LRRC37A: variants seen among roughly 807,000 people sequenced by gnomAD.
LRRC37A encodes leucine-rich repeat-containing protein 37A.
In LRRC37A, 3 loss-of-function variants were observed where a neutral mutation model predicts 35.4. The observed-to-expected ratio is 0.08, with a 90% CI of 0.04 to 0.22. The LOEUF (loss-of-function observed/expected upper bound fraction) is 0.22, where lower values mean the gene tolerates loss of function less well. LRRC37A is among the 10% of genes least tolerant of loss of function. LRRC37A has a pLI of 1.00. For synonymous variants in LRRC37A, 23 were observed against 215.0 expected (o/e 0.11, Z 7.81); for missense variants, 67 against 565.3 (o/e 0.12, Z 8.94).
the LRRC37A span, chr17:46,267,537 A>G: frequency 6.2e-7 from 1 of 1,612,984 alleles, no homozygotes; most frequent in Non-Finnish European, 8.5e-7. Flanking sequence ...ACTGAGCTGA[A>G]TGACGCTGCA....
At chr17:46,267,241 C>G in the LRRC37A span, 1 of 792,730 alleles carries the variant, frequency 1.3e-6, no homozygotes, top group Non-Finnish European at 2.0e-6. Context: ...CCGACCCATG[C>G]GGGCCGTTTC....
At chr17:46,253,215 A>G in the LRRC37A span, among the ~76,000 whole-genome samples, 3 of 133,496 alleles carry the variant, frequency 2.2e-5, no homozygotes, top group East Asian at 2.0e-4. Context: ...GGCGCTCCCC[A>G]CATCTCAGAC....
the LRRC37A span, among the ~76,000 whole-genome samples, chr17:46,268,087 C>G: frequency 6.6e-6 from 1 of 152,018 alleles, no homozygotes; most frequent in Non-Finnish European, 1.5e-5. Context: ...TCTTTCTAGG[C>G]ATGTGCTCTG....
In LRRC37A at chr17:46,330,898, G is replaced by A. The variant is rs78117635; in HGVS notation, c.3621G>A (p.Thr1207=). 1,438 of 725,010 alleles carry A rather than the reference G, an allele frequency of 2.0e-3. 456 individuals carry two copies. The African/African-American group carries it at 0.023, about 11-fold the overall frequency. The allele number at this position is 725,010 out of a possible 1,614,324, so 44.9% of individuals were successfully genotyped here. Residue 1207 remains threonine, a synonymous_variant, in exon 9 of 14, where the codon ACG becomes ACA. Transcript: ENST00000320254. ...ACGCTGCCGAAGAAAAAAGGCTCACGAGTCCAGCCCCAAGGGAGGTGGAAC... is the reference window on the plus strand; with the variant it reads ...ACGCTGCCGAAGAAAAAAGGCTCACAAGTCCAGCCCCAAGGGAGGTGGAAC...
chr17:46,288,285 A>C (rs1211957164), upstream of LRRC37A, among the ~76,000 whole-genome samples: 1 of 142,672 alleles, frequency 7.0e-6, no homozygotes, highest in Non-Finnish European at 1.5e-5. Flanking sequence ...GGGACTACAG[A>C]TGTGCACCAC....
At chr17:46,271,567 C>T in the LRRC37A span, among the ~76,000 whole-genome samples, 3 of 152,064 alleles carry the variant, frequency 2.0e-5, no homozygotes, top group South Asian at 6.2e-4. Context: ...ATCTGAAAGT[C>T]CACCAGGTTG....
At chr17:46,285,671 T>C in the LRRC37A span, among the ~76,000 whole-genome samples, 1 of 152,142 alleles carries the variant, frequency 6.6e-6, no homozygotes, top group African/African-American at 2.4e-5. Context: ...ATTATCTGAG[T>C]GTTAGATAAG....
chr17:46,253,496 C>T, the LRRC37A span, among the ~76,000 whole-genome samples: 2 of 152,192 alleles, frequency 1.3e-5, no homozygotes, highest in Admixed American at 1.3e-4. Flanking sequence ...TCTGCAATCC[C>T]GGCACCTCGG....
the LRRC37A span, chr17:46,259,863 C>T: frequency 3.8e-6 from 6 of 1,562,724 alleles, no homozygotes; most frequent in East Asian, 9.7e-5. Context: ...GGGACCCTAA[C>T]TTGTCCCTTG....
chr17:46,265,386 C>T, the LRRC37A span, among the ~76,000 whole-genome samples: 10 of 111,508 alleles, frequency 9.0e-5, no homozygotes, highest in South Asian at 2.4e-4. Context: ...CTTCTTTTCT[C>T]TTCCTTCTCC....
chr17:46,275,368 T>C, the LRRC37A span: 2 of 1,001,180 alleles, frequency 2.0e-6, no homozygotes, highest in South Asian at 2.6e-5. Context: ...TATGTTAGGT[T>C]AACATGCTGA....
At chr17:46,285,520 T>C in the LRRC37A span, among the ~76,000 whole-genome samples, 13,523 of 143,334 alleles carry the variant, frequency 0.094, no homozygotes, top group Non-Finnish European at 0.15. Flanking sequence ...GGATTACAGG[T>C]GTGAGCCCCC....
the LRRC37A span, among the ~76,000 whole-genome samples, chr17:46,249,795 C>T: frequency 6.6e-6 from 1 of 152,204 alleles, no homozygotes; most frequent in African/African-American, 2.4e-5. Context: ...GCTGTCACTG[C>T]AGTCAGCGCC....
At chr17:46,281,680 G>C in the LRRC37A span, among the ~76,000 whole-genome samples, 1 of 152,284 alleles carries the variant, frequency 6.6e-6, no homozygotes, top group East Asian at 1.9e-4. Context: ...GAGTCTCACT[G>C]TCACCCAGGC....
chr17:46,289,184 G>A (rs2950666), upstream of LRRC37A, among the ~76,000 whole-genome samples: 19,444 of 151,288 alleles, frequency 0.13, 1 homozygote, highest in Middle Eastern at 0.19. Flanking sequence ...GACCAAGAGG[G>A]TTTCTTTCTT....
the LRRC37A span, among the ~76,000 whole-genome samples, chr17:46,255,617 C>T: frequency 6.6e-6 from 1 of 151,816 alleles, no homozygotes; most frequent in African/African-American, 2.4e-5. Context: ...CTGCTGACTT[C>T]AGCCTCCCAA....
At chr17:46,317,126 G>C (rs1296407755) in intron 5 of LRRC37A, among the ~76,000 whole-genome samples, 3 of 88,518 alleles carry the variant, frequency 3.4e-5, no homozygotes, top group African/African-American at 9.0e-5. Context: ...GAGCTGTTGG[G>C]TACACCTCCC....
the LRRC37A span, among the ~76,000 whole-genome samples, chr17:46,254,655 T>C: frequency 6.7e-6 from 1 of 149,766 alleles, no homozygotes; most frequent in African/African-American, 2.5e-5. Flanking sequence ...GATTCTCCTG[T>C]CTCAGCCTCC....
chr17:46,273,641 TTTGC>T, the LRRC37A span, among the ~76,000 whole-genome samples: 24 of 152,154 alleles, frequency 1.6e-4, no homozygotes, highest in Admixed American at 9.2e-4. Flanking sequence ...TAGTAGAATT[TTTGC>T]AAAGCTGCAT....
Sources: gnomAD v4.1 joint callset for allele counts (sites outside exome capture counted in the v4.1 genomes callset) on GRCh38, gnomAD v4.1.1 for gene constraint, MANE v1.5 for transcripts, NCBI Gene and HGNC (gene_info 2026-07-23, HGNC 2026-07-21) for gene names.